Variants in CFAP43 observed in about 807,000 individuals in gnomAD.
CFAP43 encodes the protein cilia- and flagella-associated protein 43.
A neutral mutation model predicts 218.9 loss-of-function variants in CFAP43; 155 were observed. The observed-to-expected ratio is 0.71, with a 90% CI of 0.62 to 0.81. The LOEUF is 0.81. Ranked by LOEUF, CFAP43 falls within the 30% of genes least tolerant of loss-of-function variation. CFAP43 has a pLI of 0.00. For synonymous variants in CFAP43, 645 were observed against 681.3 expected, an observed-to-expected ratio of 0.95 and a Z score of 0.83; for missense variants, 1,778 against 1,954.3, an observed-to-expected ratio of 0.91 and a Z score of 1.70.
rs758865796 is a variant in CFAP43 at position 104,198,046 on chromosome 10, A to C, written c.1096-8T>G. On this transcript the variant is annotated splice_region_variant and splice_polypyrimidine_tract_variant and intron_variant, in intron 8 of 37. Coordinates refer to ENST00000357060, the MANE Select transcript of CFAP43 (RefSeq NM_025145.7). ...GTAGATATAAACAGATCCCTGATAA[A>C]CATACAAAAGAAAAGAAACACATTG... 6.7e-7 allele frequency: 1 copy of C among 1,503,466 alleles called. No individual in the cohort carries two copies. The highest frequency in any genetic ancestry group is 9.2e-7 in the Non-Finnish European group (1 of 1,085,222). The allele number at this position is 1,503,466 out of a possible 1,614,324, so 93.1% of individuals were successfully genotyped here. A position where few individuals can be genotyped will look rare whatever the true frequency, so the allele number is the denominator to read the frequency against.
intron 3 of CFAP43, among the ~76,000 whole-genome samples, chr10:104,215,568 C>T (rs1267854200): frequency 1.3e-5 from 2 of 152,196 alleles, no homozygotes; most frequent in Admixed American, 1.3e-4. Flanking sequence ...GGAACAAAGA[C>T]TACAGGACTG....
intron 19 of CFAP43, among the ~76,000 whole-genome samples, chr10:104,176,453 T>C (rs1379211132): frequency 3.3e-5 from 5 of 152,236 alleles, no homozygotes; most frequent in Non-Finnish European, 7.3e-5. Context: ...ACTTGGATCA[T>C]GCCATAGTTT....
At chr10:104,178,484 A>G (rs2089709908) in intron 19 of CFAP43, among the ~76,000 whole-genome samples, 1 of 152,204 alleles carries the variant, frequency 6.6e-6, no homozygotes, top group Non-Finnish European at 1.5e-5. Context: ...GTGTATTCCA[A>G]GCACGGATTT....
intron 36 of CFAP43, 94 bp from the exon 37 acceptor site, chr10:104,131,578 AT>A: frequency 7.5e-7 from 1 of 1,332,600 alleles, no homozygotes; most frequent in Non-Finnish European, 1.0e-6. Flanking sequence ...TAAATACATT[AT>A]CATCATTAAG....
chr10:104,201,193 T>C (rs1347375487), intron 8 of CFAP43, among the ~76,000 whole-genome samples: 1 of 152,212 alleles, frequency 6.6e-6, no homozygotes, highest in Non-Finnish European at 1.5e-5. Flanking sequence ...GTAAATTTAA[T>C]ATTTTATTAT....
intron 34 of CFAP43, among the ~76,000 whole-genome samples, chr10:104,134,424 A>T: frequency 6.6e-6 from 1 of 152,144 alleles, no homozygotes; most frequent in East Asian, 1.9e-4. Flanking sequence ...AAAACAGAAA[A>T]ACAATAGTCA....
At chr10:104,139,245 T>C (rs968888749) in intron 34 of CFAP43, among the ~76,000 whole-genome samples, 3 of 152,026 alleles carry the variant, frequency 2.0e-5, no homozygotes, top group African/African-American at 7.2e-5. Context: ...TATCAGACAA[T>C]CTGACACGTG....
rs539931051 is a variant in CFAP43 at position 104,180,748 on chromosome 10, G to A, written c.2290-816C>T. On this transcript the variant is annotated intron_variant, in intron 17 of 37. Transcript: ENST00000357060. Reference sequence around the variant, plus strand: ...GTGTGTGCCAACCACCGTCCCCGCCGGCCCACCACCCTGTTTCTATGCTCC... The same window carrying A: ...GTGTGTGCCAACCACCGTCCCCGCCAGCCCACCACCCTGTTTCTATGCTCC... Among the ~76,000 whole-genome samples, 17 of 151,966 alleles carry A rather than the reference G, an allele frequency of 1.1e-4. No homozygotes were observed. In the East Asian group the frequency reaches 1.7e-3, roughly 16 times the overall value.
At chr10:104,145,355 C>T in intron 31 of CFAP43, 121 bp downstream of exon 31, 1 of 575,200 alleles carries the variant, frequency 1.7e-6, no homozygotes, top group Non-Finnish European at 3.0e-6. Context: ...AACATCTCCA[C>T]CTAAAAGATA....
At chr10:104,226,148 C>CT (rs2091299918) in intron 2 of CFAP43, among the ~76,000 whole-genome samples, 1 of 152,218 alleles carries the variant, frequency 6.6e-6, no homozygotes, top group African/African-American at 2.4e-5. Context: ...CCTGTCTCTG[C>CT]TTCCCAGTAC....
chr10:104,130,986 G>A (rs1250667137), intron 37 of CFAP43, among the ~76,000 whole-genome samples: 1 of 129,710 alleles, frequency 7.7e-6, no homozygotes, highest in Non-Finnish European at 1.6e-5. Flanking sequence ...GCAACAGAGG[G>A]ACACCCTGTC....
At chr10:104,231,244 T>A (rs1163072014) in intron 1 of CFAP43, among the ~76,000 whole-genome samples, 2 of 152,218 alleles carry the variant, frequency 1.3e-5, no homozygotes, top group East Asian at 3.8e-4. Context: ...TTTGATTTTT[T>A]TAAATAAACT....
In CFAP43 at chr10:104,185,058, A is replaced by G. The variant is rs748772294; in HGVS notation, c.2099T>C (p.Val700Ala). Residue 700 changes from valine to alanine, a missense_variant, in exon 16 of 38, where the codon GTG (valine) becomes GCG (alanine). Physicochemically the swap from Val to Ala is moderately conservative, Grantham distance 64 (BLOSUM62 0). This residue lies in a region of CFAP43 where 1,553 missense variants were observed against 1,685.2 expected (regional missense o/e 0.92). Transcript: ENST00000357060. ...RISMDGQNIL[V>A]NGRDDGTLVY... The stretch of plus-strand genomic sequence containing the variant: ...AAGGGTGCCATCATCTCTCCCATTC[A>G]CCAGAATGTTTTGTCCATCCATTGA... 4.3e-6 allele frequency: 7 copies of G among 1,613,964 alleles called. No homozygotes were observed. The highest frequency in any genetic ancestry group is 5.9e-6 in the Non-Finnish European group (7 of 1,180,012).
At position 104,186,052 on chromosome 10, in the gene CFAP43, G is replaced by A. The variant is rs142177021; in HGVS notation, c.1932C>T (p.Leu644=). The change falls in exon 15 of 38, where the codon CTC becomes CTT. Residue 644 remains leucine, a synonymous_variant. Coordinates refer to ENST00000357060, the MANE Select transcript of CFAP43 (RefSeq NM_025145.7). ...GCCACAATCCATGTGAAGACAGATA[G>A]AGCAGTCCAGGTCCATACTGTCTGC... The part of the protein sequence containing the change: ...VQSRQYGPGL[L]YLSSHGLWLI... 6.5e-5 allele frequency: 104 copies of A among 1,608,306 alleles called. No homozygotes were observed. The highest frequency in any genetic ancestry group is 8.6e-5 in the Non-Finnish European group (101 of 1,178,352).
intron 11 of CFAP43, chr10:104,192,899 C>CT (rs1839864042): frequency 6.5e-6 from 1 of 154,106 alleles, no homozygotes; most frequent in African/African-American, 2.4e-5. Context: ...CCTCAGTGTG[C>CT]TAGCTGTGTA....
intron 5 of CFAP43, 52 bp from the exon 6 acceptor site, chr10:104,207,876 C>A: frequency 6.4e-7 from 1 of 1,554,444 alleles, no homozygotes; most frequent in South Asian, 1.2e-5. Flanking sequence ...CGGCTAAAAG[C>A]CTGAGAAATA....
At chr10:104,199,495 T>C (rs902910188) in intron 8 of CFAP43, among the ~76,000 whole-genome samples, 1 of 152,212 alleles carries the variant, frequency 6.6e-6, no homozygotes, top group African/African-American at 2.4e-5. Context: ...CAGCAGAGGA[T>C]AAAACAGACA....
intron 12 of CFAP43, 103 bp downstream of exon 12, chr10:104,192,096 C>T: frequency 1.2e-6 from 1 of 842,836 alleles, no homozygotes; most frequent in Non-Finnish European, 1.8e-6. Flanking sequence ...GAAAATATGC[C>T]ACAAATAATT....
chr10:104,192,185 A>G lies in CFAP43; in HGVS notation c.1546+14T>C. 2 of 1,565,008 alleles carry G rather than the reference A, an allele frequency of 1.3e-6. No homozygotes were observed. Among genetic ancestry groups the G allele is most frequent in the Non-Finnish European group, 1.8e-6 (2 of 1,142,600 alleles). ...TAATCAATATTTTAAATTAATCAGC[A>G]TTCTATGTTGTACCTGTGAATCCAA... On this transcript the variant is annotated intron_variant, in intron 12 of 37. Coordinates refer to ENST00000357060, the MANE Select transcript of CFAP43 (RefSeq NM_025145.7).
Sources: allele counts gnomAD v4.1 joint callset (sites outside exome capture counted in the v4.1 genomes callset), GRCh38; gene constraint gnomAD v4.1.1; regional missense constraint gnomAD v4.1.1; transcripts MANE v1.5; gene names NCBI Gene and HGNC (gene_info 2026-07-23, HGNC 2026-07-21).